Variants in DSCAM observed in about 807,000 individuals in gnomAD.
DSCAM encodes DS cell adhesion molecule.
Under a neutral mutation model 217.7 loss-of-function variants are expected in DSCAM, and 47 were observed. The observed-to-expected ratio is 0.22, with a 90% confidence interval of 0.17 to 0.28. The LOEUF is 0.28. DSCAM is among the 10% of genes least tolerant of loss of function. The pLI is 1.00. For missense variants in DSCAM, 2,080 were observed against 2,618.3 expected (o/e 0.79, Z 4.49); for synonymous variants, 1,056 against 1,015.3 (o/e 1.04, Z -0.76).
chr21:40,485,342 A>C (rs956692023), intron 3 of DSCAM, among the ~76,000 whole-genome samples: 2 of 147,008 alleles, frequency 1.4e-5, no homozygotes, highest in African/African-American at 2.5e-5. Flanking sequence ...TCCCAGGTTC[A>C]CGCCATTCTC....
chr21:40,754,140 A>T (rs2091253655), intron 1 of DSCAM, among the ~76,000 whole-genome samples: 1 of 152,214 alleles, frequency 6.6e-6, no homozygotes, highest in Non-Finnish European at 1.5e-5. Context: ...ACCGCACACC[A>T]GACCCTCCGA....
At chr21:40,348,271 T>C (rs1348780124) in intron 5 of DSCAM, among the ~76,000 whole-genome samples, 1 of 152,210 alleles carries the variant, frequency 6.6e-6, no homozygotes, top group Admixed American at 6.5e-5. Flanking sequence ...ATCAGCCACA[T>C]TATTGCAATC....
intron 10 of DSCAM, among the ~76,000 whole-genome samples, chr21:40,286,990 G>T (rs1328251777): frequency 8.0e-6 from 1 of 124,968 alleles, no homozygotes; most frequent in Non-Finnish European, 1.7e-5. Context: ...GTGATCCACA[G>T]TGTGATCTGC....
rs139633761 is a variant in DSCAM, at chr21:40,713,406, T to C, written c.44-4635A>G. Among the ~76,000 whole-genome samples the C allele has an allele frequency of 8.5e-5, 13 of 152,316 alleles. 1 individual carries two copies. In the East Asian group the frequency reaches 2.3e-3, roughly 27 times the overall value. The stretch of plus-strand genomic sequence containing the variant: ...TAGGAAACTTGCTCTCGTGTGCCTA[T>C]ATGGAATGTAGACTTCTATTTAGTA... On this transcript the variant is annotated intron_variant, in intron 1 of 32. Transcript: ENST00000400454.
chr21:40,474,430 T>C (rs1040542497), intron 3 of DSCAM, among the ~76,000 whole-genome samples: 5 of 152,208 alleles, frequency 3.3e-5, no homozygotes, highest in Non-Finnish European at 7.3e-5. Context: ...CATTTAATTG[T>C]TTTTTCTTTC....
rs1054476953 is a variant in DSCAM at position 40,347,962 on chromosome 21, G to A, written c.935-17C>T. On this transcript the variant is annotated splice_polypyrimidine_tract_variant and intron_variant, in intron 5 of 32. Transcript: ENST00000400454. Reference sequence around the variant, plus strand: ...TCAGTGGCTCTGGAGGTTTTAGTAAGAGAGAGAGAAAAAAGATAAAAACAT... The same window carrying A: ...TCAGTGGCTCTGGAGGTTTTAGTAAAAGAGAGAGAAAAAAGATAAAAACAT... 4 of 1,597,298 alleles carry A rather than the reference G, an allele frequency of 2.5e-6. No individual in the cohort carries two copies. In the African/African-American group the frequency reaches 4.1e-5, roughly 16 times the overall value.
chr21:40,629,560 G>A (rs1201631885), intron 3 of DSCAM: 1 of 152,160 alleles, frequency 6.6e-6, no homozygotes, highest in Non-Finnish European at 1.5e-5. Context: ...TTTTCTCAGT[G>A]CTCCTGATAT....
intron 3 of DSCAM, among the ~76,000 whole-genome samples, chr21:40,493,863 C>CAA (rs57564776): frequency 1.6e-3 from 195 of 125,412 alleles, no homozygotes; most frequent in South Asian, 0.01. Flanking sequence ...AACTCCATCT[C>CAA]AAAAAAAAAA....
chr21:40,569,105 C>T (rs761697884), intron 3 of DSCAM, among the ~76,000 whole-genome samples: 2 of 152,154 alleles, frequency 1.3e-5, no homozygotes, highest in Non-Finnish European at 2.9e-5. Flanking sequence ...CACAGACCTA[C>T]CCACTGTGCA....
At chr21:40,492,061 C>T (rs564602953) in intron 3 of DSCAM, among the ~76,000 whole-genome samples, 3 of 152,134 alleles carry the variant, frequency 2.0e-5, no homozygotes, top group South Asian at 4.2e-4. Context: ...TCTAAGACAC[C>T]TAGAATAATG....
chr21:40,659,292 C>G (rs894436652), intron 3 of DSCAM, among the ~76,000 whole-genome samples: 1 of 152,198 alleles, frequency 6.6e-6, no homozygotes, highest in African/African-American at 2.4e-5. Flanking sequence ...CTGTTCACAG[C>G]AAATGCAGAA....
intron 4 of DSCAM, among the ~76,000 whole-genome samples, chr21:40,367,241 A>G (rs1415562042): frequency 1.3e-5 from 2 of 152,116 alleles, no homozygotes; most frequent in African/African-American, 4.8e-5. Flanking sequence ...CCCGTTGGTT[A>G]TTTGCAGTTT....
chr21:40,418,413 A>T (rs762200159), intron 3 of DSCAM, among the ~76,000 whole-genome samples: 2 of 152,200 alleles, frequency 1.3e-5, no homozygotes, highest in Non-Finnish European at 2.9e-5. Context: ...AAAAACTATG[A>T]TATCTGTAAA....
chr21:40,214,462 T>C (rs75425557), intron 11 of DSCAM, among the ~76,000 whole-genome samples: 6,079 of 152,254 alleles, frequency 0.04, 195 homozygotes, highest in African/African-American at 0.085. Context: ...ATAGGCATTG[T>C]TAGCATTCCT....
At chr21:40,128,061 C>T (rs1315604386) in intron 19 of DSCAM, among the ~76,000 whole-genome samples, 1 of 151,522 alleles carries the variant, frequency 6.6e-6, no homozygotes, top group African/African-American at 2.4e-5. Flanking sequence ...CAGCTTAGGT[C>T]AGGTCAGGGC....
chr21:40,045,854 G>A (rs1482143071), intron 30 of DSCAM, among the ~76,000 whole-genome samples: 3 of 152,022 alleles, frequency 2.0e-5, no homozygotes, highest in African/African-American at 7.3e-5. Context: ...TCATGAGCCT[G>A]GCAGTGTCTC....
chr21:40,510,684 A>C (rs2076251413), intron 3 of DSCAM, among the ~76,000 whole-genome samples: 1 of 152,214 alleles, frequency 6.6e-6, no homozygotes, highest in Non-Finnish European at 1.5e-5. Flanking sequence ...AGTTACAATC[A>C]TTGGCTACAG....
At chr21:40,836,904 C>T (rs2092061649) in intron 1 of DSCAM, among the ~76,000 whole-genome samples, 1 of 152,204 alleles carries the variant, frequency 6.6e-6, no homozygotes, top group South Asian at 2.1e-4. Flanking sequence ...TTCCAAACTA[C>T]AGCCCATTCC....
intron 9 of DSCAM, among the ~76,000 whole-genome samples, chr21:40,309,237 T>C (rs2074112324): frequency 6.6e-6 from 1 of 152,196 alleles, no homozygotes; most frequent in Admixed American, 6.6e-5. Context: ...CTTTCTTTTC[T>C]GAAGCTCCTC....
Sources: gnomAD v4.1 joint callset for allele counts (sites outside exome capture counted in the v4.1 genomes callset) on GRCh38, gnomAD v4.1.1 for gene constraint, MANE v1.5 for transcripts, NCBI Gene and HGNC (gene_info 2026-07-23, HGNC 2026-07-21) for gene names.